The following PRDM16 variants were observed in gnomAD, a reference collection of about 807,000 sequenced individuals.
PRDM16 encodes PR/SET domain 16.
Under a neutral mutation model 110.6 loss-of-function variants are expected in PRDM16, and 23 were observed. The observed-to-expected ratio is 0.21, with a 90% CI of 0.15 to 0.29. PRDM16 has a LOEUF of 0.29. Among genes scored for constraint, PRDM16 ranks in the 10% least tolerant of loss-of-function variants. The probability of loss-of-function intolerance (pLI) is 1.00; values close to 1 mark genes in which losing one functional copy is unlikely to be tolerated. For missense variants in PRDM16, 1,615 were observed against 1,794.3 expected (o/e 0.90, Z 1.81); for synonymous variants, 799 against 781.8 (o/e 1.02, Z -0.37).
chr1:3,305,395 C>T (rs1354353115), intron 3 of PRDM16, among the ~76,000 whole-genome samples: 2 of 152,202 alleles, frequency 1.3e-5, no homozygotes, highest in Non-Finnish European at 2.9e-5. Context: ...GGCCCCGCCT[C>T]GCTGTGCTGC....
chr1:3,147,998 G>A (rs988946579), intron 1 of PRDM16, among the ~76,000 whole-genome samples: 7 of 149,360 alleles, frequency 4.7e-5, no homozygotes, highest in African/African-American at 1.8e-4. Flanking sequence ...CCCATCCTGC[G>A]GCAAACCCCA....
At chr1:3,210,720 G>A (rs1481043283) in intron 2 of PRDM16, among the ~76,000 whole-genome samples, 1 of 152,202 alleles carries the variant, frequency 6.6e-6, no homozygotes, top group Non-Finnish European at 1.5e-5. Context: ...TCATTCACAA[G>A]ATATACATCC....
At chr1:3,139,641 T>TC (rs1643508018) in intron 1 of PRDM16, among the ~76,000 whole-genome samples, 1 of 151,970 alleles carries the variant, frequency 6.6e-6, no homozygotes, top group African/African-American at 2.4e-5. Context: ...GTTCCTGTTC[T>TC]CCGGGGCCCG....
intron 1 of PRDM16, among the ~76,000 whole-genome samples, chr1:3,155,762 C>T (rs1311167033): frequency 6.6e-6 from 1 of 152,144 alleles, no homozygotes; most frequent in Non-Finnish European, 1.5e-5. Flanking sequence ...TGCAAGGCTT[C>T]GGGGATTCAG....
At chr1:3,186,823 A>T (rs1008827399) in intron 2 of PRDM16, among the ~76,000 whole-genome samples, 3 of 152,186 alleles carry the variant, frequency 2.0e-5, no homozygotes, top group African/African-American at 4.8e-5. Flanking sequence ...GTCCCAGAAC[A>T]GGCAGCTGCA....
chr1:3,253,270 A>G (rs1287022871), intron 3 of PRDM16, among the ~76,000 whole-genome samples: 1 of 151,640 alleles, frequency 6.6e-6, no homozygotes, highest in Non-Finnish European at 1.5e-5. Context: ...GGTTAGTTAC[A>G]TATGTATACA....
intron 1 of PRDM16, among the ~76,000 whole-genome samples, chr1:3,131,977 AG>A (rs1319342819): frequency 2.6e-5 from 4 of 152,196 alleles, no homozygotes; most frequent in Admixed American, 6.5e-5. Context: ...TTTTTTTCAA[AG>A]GGTTTAGGAT....
At chr1:3,411,150 T>TA (rs1316938235) in intron 8 of PRDM16, among the ~76,000 whole-genome samples, 1 of 152,100 alleles carries the variant, frequency 6.6e-6, no homozygotes, top group Non-Finnish European at 1.5e-5. Context: ...CACGGACACT[T>TA]ACGCACACAG....
chr1:3,396,579 C>A lies in PRDM16; in HGVS notation c.662C>A (p.Pro221Gln). 1 of 1,586,936 alleles carries A rather than the reference C, an allele frequency of 6.3e-7. No homozygotes were observed. The highest frequency in any genetic ancestry group is 8.6e-7 in the Non-Finnish European group (1 of 1,164,186). Reference protein sequence around the residue: ...KEGVYPLGTVPPGLDEEPTFR... With the variant: ...KEGVYPLGTVQPGLDEEPTFR... The stretch of plus-strand genomic sequence containing the variant: ...GGCGTCTACCCCCTGGGCACAGTGC[C>A]GCCCGGCCTGGACGGTAAGACCCCT... The change falls in exon 5 of 17, where the codon CCG (proline) becomes CAG (glutamine). Residue 221 changes from proline to glutamine, a missense_variant. Physicochemically the swap from Pro to Gln is moderately conservative, Grantham distance 76. Coordinates refer to ENST00000270722, the MANE Select transcript of PRDM16 (RefSeq NM_022114.4).
intron 1 of PRDM16, among the ~76,000 whole-genome samples, chr1:3,109,133 T>C (rs1270637851): frequency 1.3e-5 from 2 of 150,302 alleles, no homozygotes; most frequent in Non-Finnish European, 2.9e-5. Context: ...CAAAATCACA[T>C]ATTTTGAAAA....
chr1:3,289,301 A>AG (rs370540391), intron 3 of PRDM16, among the ~76,000 whole-genome samples: 1 of 152,080 alleles, frequency 6.6e-6, no homozygotes, highest in South Asian at 2.1e-4. Flanking sequence ...GCTGGCAGGG[A>AG]GGGGGTCAGC....
intron 2 of PRDM16, among the ~76,000 whole-genome samples, chr1:3,195,275 C>T (rs2100816390): frequency 6.6e-6 from 1 of 152,318 alleles, no homozygotes; most frequent in East Asian, 1.9e-4. Flanking sequence ...ACCGTGACAT[C>T]AGCCCTAGAC....
chr1:3,420,460 C>G (rs1193843870), intron 12 of PRDM16, among the ~76,000 whole-genome samples: 1 of 152,214 alleles, frequency 6.6e-6, no homozygotes, highest in Admixed American at 6.5e-5. Context: ...CTGGAGAGGT[C>G]GGGCTGACGC....
At chr1:3,240,533 G>A (rs1202161067) in intron 2 of PRDM16, among the ~76,000 whole-genome samples, 2 of 152,196 alleles carry the variant, frequency 1.3e-5, no homozygotes, top group East Asian at 3.9e-4. Context: ...TCCCTCATGG[G>A]CCTCAGCCTC....
chr1:3,109,407 G>A (rs571512663), intron 1 of PRDM16, among the ~76,000 whole-genome samples: 4 of 152,264 alleles, frequency 2.6e-5, no homozygotes, highest in South Asian at 4.1e-4. Flanking sequence ...CGTGGAGCCC[G>A]CAGGATGCAG....
At chr1:3,288,359 G>A (rs151113315) in intron 3 of PRDM16, among the ~76,000 whole-genome samples, 134 of 152,308 alleles carry the variant, frequency 8.8e-4, no homozygotes, top group African/African-American at 2.8e-3. Flanking sequence ...CCCACTCCCC[G>A]CTCTGTCTCT....
chr1:3,191,825 C>T (rs113493981), intron 2 of PRDM16, among the ~76,000 whole-genome samples: 2,534 of 152,244 alleles, frequency 0.017, 77 homozygotes, highest in African/African-American at 0.058. Flanking sequence ...CTTCAGTCTC[C>T]GACATCACAG....
chr1:3,387,450 C>T (rs946828387), intron 4 of PRDM16, among the ~76,000 whole-genome samples: 1 of 152,236 alleles, frequency 6.6e-6, no homozygotes, highest in Non-Finnish European at 1.5e-5. Context: ...GAGAGAAATT[C>T]CTCCACTCGG....
At chr1:3,114,618 A>G (rs1039877388) in intron 1 of PRDM16, among the ~76,000 whole-genome samples, 17 of 144,336 alleles carry the variant, frequency 1.2e-4, no homozygotes, top group Admixed American at 3.5e-4. Context: ...ACGTGCATAC[A>G]CACATGAACA....
Sources: allele counts gnomAD v4.1 joint callset (sites outside exome capture counted in the v4.1 genomes callset), GRCh38; gene constraint gnomAD v4.1.1; transcripts MANE v1.5; gene names NCBI Gene and HGNC (gene_info 2026-07-23, HGNC 2026-07-21).